CEP135: variants seen among roughly 807,000 people sequenced by gnomAD.
The protein encoded by CEP135 is centrosomal protein of 135 kDa.
In CEP135, 142 loss-of-function variants were observed where a neutral mutation model predicts 157.3. The observed-to-expected ratio is 0.90, with a 90% CI of 0.79 to 1.04. The LOEUF is 1.04. Among genes scored for constraint, CEP135 ranks in the 50% least tolerant of loss-of-function variants. CEP135 has a pLI of 0.00. For synonymous variants in CEP135, 396 were observed against 439.8 expected (o/e 0.90, Z 1.25); for missense variants, 1,317 against 1,309.2 (o/e 1.01, Z -0.09).
intron 15 of CEP135, among the ~76,000 whole-genome samples, chr4:55,995,255 T>A (rs1304432787): frequency 6.6e-6 from 1 of 152,198 alleles, no homozygotes; most frequent in Non-Finnish European, 1.5e-5. Context: ...GTCTTTTTTT[T>A]CCTTGTAAAT....
chr4:55,986,121 C>T (rs539711621), intron 14 of CEP135, among the ~76,000 whole-genome samples: 88 of 152,262 alleles, frequency 5.8e-4, no homozygotes, highest in South Asian at 1.0e-3. Flanking sequence ...CTAGTACTTA[C>T]TCCTTAGGGT....
At chr4:55,968,993 G>T (rs1728929905) in intron 8 of CEP135, 70 bp from the exon 9 acceptor site, 6 of 1,151,582 alleles carry the variant, frequency 5.2e-6, no homozygotes, top group Non-Finnish European at 7.4e-6. Context: ...AAAATTACTT[G>T]ATCTATTTGC....
At chr4:55,994,151 A>G (rs1356541604) in intron 15 of CEP135, among the ~76,000 whole-genome samples, 2 of 152,208 alleles carry the variant, frequency 1.3e-5, no homozygotes, top group Non-Finnish European at 2.9e-5. Flanking sequence ...GTAAAACTAC[A>G]TTATCTAAAC....
At position 56,008,401 on chromosome 4, in the gene CEP135, T is replaced by C. The variant is rs1560419906; in HGVS notation, c.2336+19T>C. 1 of 1,587,374 alleles carries C rather than the reference T, an allele frequency of 6.3e-7. No homozygotes were observed. Among genetic ancestry groups the C allele is most frequent in the African/African-American group, 1.3e-5 (1 of 74,168 alleles). On this transcript the variant is annotated intron_variant, in intron 18 of 25. Transcript: ENST00000257287. ...CTGTGAAGTAAGTCATTAATGAAAT[T>C]ACATCCAGCTTTTTAGGAGATTTTC...
At chr4:55,998,702 TA>T (rs1290624832) in intron 15 of CEP135, among the ~76,000 whole-genome samples, 1 of 152,098 alleles carries the variant, frequency 6.6e-6, no homozygotes, top group African/African-American at 2.4e-5. Context: ...CCGTCTCTAC[TA>T]AAAATAGAAA....
intron 8 of CEP135, chr4:55,966,279 G>A (rs914102874): frequency 7.1e-5 from 11 of 154,296 alleles, no homozygotes; most frequent in African/African-American, 1.0e-4. Context: ...TGCAACCCCC[G>A]TCTCCCCAGT....
At chr4:56,001,809 T>G (rs1163814193) in intron 17 of CEP135, among the ~76,000 whole-genome samples, 1 of 152,128 alleles carries the variant, frequency 6.6e-6, no homozygotes, top group Non-Finnish European at 1.5e-5. Context: ...CTAATAGGGA[T>G]TACATTGAAT....
intron 23 of CEP135, among the ~76,000 whole-genome samples, chr4:56,020,034 T>G (rs928690710): frequency 6.6e-6 from 1 of 152,180 alleles, no homozygotes; most frequent in Non-Finnish European, 1.5e-5. Flanking sequence ...GACCTGTATA[T>G]CTTCACTACA....
At chr4:56,012,298 C>T (rs4499751) in intron 21 of CEP135, among the ~76,000 whole-genome samples, 29,843 of 152,114 alleles carry the variant, frequency 0.2, 3,305 homozygotes, top group Non-Finnish European at 0.26. Context: ...TTGAGTGATC[C>T]ACCTGCCTCA....
chr4:55,990,722 C>T (rs1354710655), intron 14 of CEP135, among the ~76,000 whole-genome samples: 3 of 152,074 alleles, frequency 2.0e-5, no homozygotes, highest in African/African-American at 7.2e-5. Flanking sequence ...AGGCTGGTCT[C>T]GAGCTCCTGG....
intron 11 of CEP135, among the ~76,000 whole-genome samples, chr4:55,975,715 ATTACT>A (rs947085848): frequency 1.3e-5 from 2 of 152,068 alleles, no homozygotes; most frequent in African/African-American, 4.8e-5. Flanking sequence ...CTTATGTGAC[ATTACT>A]TTATCTACAC....
At chr4:55,971,752 C>A (rs1186028087) in intron 10 of CEP135, among the ~76,000 whole-genome samples, 1 of 152,144 alleles carries the variant, frequency 6.6e-6, no homozygotes, top group African/African-American at 2.4e-5. Context: ...CAAGGAAATG[C>A]AGTTATATTA....
chr4:56,011,583 A>G (rs1416308277), intron 20 of CEP135, 61 bp downstream of exon 20: 8 of 1,147,816 alleles, frequency 7.0e-6, no homozygotes, highest in South Asian at 1.4e-5. Flanking sequence ...TAACTTTTTC[A>G]TGTGCCTCTA....
intron 8 of CEP135, 106 bp from the exon 9 acceptor site, chr4:55,968,957 G>T: frequency 1.4e-6 from 1 of 726,228 alleles, no homozygotes; most frequent in South Asian, 2.1e-5. Context: ...AGATCTCACT[G>T]GTAAGAGGGA....
At chr4:55,987,779 A>C (rs544289949) in intron 14 of CEP135, among the ~76,000 whole-genome samples, 2 of 152,192 alleles carry the variant, frequency 1.3e-5, no homozygotes, top group Non-Finnish European at 2.9e-5. Context: ...GAAATAAGAA[A>C]ATATTTTAAA....
At chr4:55,972,532 C>T (rs1423430315) in intron 10 of CEP135, among the ~76,000 whole-genome samples, 1 of 152,142 alleles carries the variant, frequency 6.6e-6, no homozygotes, top group East Asian at 1.9e-4. Context: ...AAGCCAGTTA[C>T]TGTATTAAGA....
chr4:55,969,213 A>G (rs1728937305), intron 9 of CEP135, 85 bp downstream of exon 9: 3 of 1,040,408 alleles, frequency 2.9e-6, no homozygotes, highest in Admixed American at 4.0e-5. Flanking sequence ...ACCTGAGGTC[A>G]GGAGTTCGAG....
chr4:56,018,340 A>T (rs79546938), intron 22 of CEP135, among the ~76,000 whole-genome samples: 4,931 of 152,210 alleles, frequency 0.032, 128 homozygotes, highest in East Asian at 0.12. Flanking sequence ...GATTCTTTGC[A>T]AGATTTCTCA....
chr4:55,962,841 A>G (rs372657384), intron 6 of CEP135, among the ~76,000 whole-genome samples: 13 of 142,624 alleles, frequency 9.1e-5, no homozygotes, highest in African/African-American at 3.4e-4. Flanking sequence ...AAGTGTCCTC[A>G]TCTGCTCTCT....
Sources: gnomAD v4.1 joint callset for allele counts (sites outside exome capture counted in the v4.1 genomes callset) on GRCh38, gnomAD v4.1.1 for gene constraint, MANE v1.5 for transcripts, NCBI Gene and HGNC (gene_info 2026-07-23, HGNC 2026-07-21) for gene names.